Variants in POM121C observed in about 807,000 individuals in gnomAD.
The protein encoded by POM121C is nuclear envelope pore membrane protein POM 121C.
In POM121C, 20 loss-of-function variants were observed where a neutral mutation model predicts 66.4. The ratio of observed to expected loss-of-function variants is 0.30; its 90% CI spans 0.21 to 0.44. The LOEUF is 0.44. POM121C is among the 20% of genes least tolerant of loss of function. The pLI is 1.00. For missense variants in POM121C, 580 were observed against 1,225.7 expected, an observed-to-expected ratio of 0.47 and a Z score of 7.87; for synonymous variants, 286 against 528.0, an observed-to-expected ratio of 0.54 and a Z score of 6.28.
At position 75,457,872 on chromosome 7, in the gene POM121C, A is replaced by C. The variant is rs1436934458; in HGVS notation, c.-151-16225T>G. Among the ~76,000 whole-genome samples, 7 of 152,354 alleles carry C rather than the reference A, an allele frequency of 4.6e-5. No individual in the cohort carries two copies. The East Asian group carries it at 1.3e-3, about 29-fold the overall frequency. On this transcript the variant is annotated intron_variant, in intron 3 of 14. Coordinates refer to ENST00000615331, the MANE Select transcript of POM121C (RefSeq NM_001099415.3). ...TCTGTTTAATAATAACTCCAAGAAC[A>C]GTTGATATATATATTTTTTCTTTTA...
chr7:75,463,723 A>C (rs796551712), intron 3 of POM121C, among the ~76,000 whole-genome samples: 58 of 152,130 alleles, frequency 3.8e-4, no homozygotes, highest in Middle Eastern at 3.4e-3. Context: ...ACGGAGTCTT[A>C]GCTCTGTCAT....
intron 3 of POM121C, among the ~76,000 whole-genome samples, chr7:75,453,551 C>T (rs1791099860): frequency 1.3e-5 from 2 of 149,722 alleles, no homozygotes; most frequent in Non-Finnish European, 3.0e-5. Flanking sequence ...CATCGCACTC[C>T]AGCCTGGGCA....
rs587719225 is a variant in POM121C, at chr7:75,440,446, T to C, written c.227+508A>G. Among the ~76,000 whole-genome samples, 7 of 151,510 alleles carry C rather than the reference T, an allele frequency of 4.6e-5. No individual in the cohort carries two copies. The East Asian group carries it at 6.0e-4, about 13-fold the overall frequency. ...AGCTGGGCATGGTGGCGGGCGCCTG[T>C]AGTCCCAGCTACTCGGGGGGCTGAG... On this transcript the variant is annotated intron_variant, in intron 5 of 14. Coordinates refer to ENST00000615331, the MANE Select transcript of POM121C (RefSeq NM_001099415.3).
chr7:75,472,660 C>T (rs1171519492), intron 3 of POM121C, among the ~76,000 whole-genome samples: 1 of 151,986 alleles, frequency 6.6e-6, no homozygotes, highest in Non-Finnish European at 1.5e-5. Flanking sequence ...TAAAAATTAG[C>T]CAGGCATGGT....
At chr7:75,441,710 G>A (rs1285411404) in intron 3 of POM121C, 63 bp from the exon 4 acceptor site, 24 of 1,344,552 alleles carry the variant, frequency 1.8e-5, no homozygotes, top group African/African-American at 1.0e-4. Context: ...ATTTTAGACG[G>A]TTAAAAACCC....
chr7:75,466,535 G>T (rs1477398003), intron 3 of POM121C, among the ~76,000 whole-genome samples: 1 of 151,932 alleles, frequency 6.6e-6, no homozygotes, highest in Non-Finnish European at 1.5e-5. Context: ...AACCCAGGAG[G>T]TGGAGGTTGC....
intron 7 of POM121C, among the ~76,000 whole-genome samples, chr7:75,435,249 G>A (rs1554472923): frequency 6.6e-6 from 1 of 152,194 alleles, no homozygotes; most frequent in African/African-American, 2.4e-5. Context: ...GCTATGGAAT[G>A]ACGTCAACTG....
At chr7:75,466,765 AAG>A (rs1563155525) in intron 3 of POM121C, among the ~76,000 whole-genome samples, 1 of 152,104 alleles carries the variant, frequency 6.6e-6, no homozygotes, top group African/African-American at 2.4e-5. Flanking sequence ...AAAAAAAGCA[AAG>A]AGAGAGGATG....
chr7:75,456,048 A>G (rs2116462666), intron 3 of POM121C, among the ~76,000 whole-genome samples: 1 of 152,352 alleles, frequency 6.6e-6, no homozygotes, highest in African/African-American at 2.4e-5. Context: ...TAGCCTGGGC[A>G]ACATAGCAGA....
At chr7:75,466,224 AT>A (rs782429019) in intron 3 of POM121C, among the ~76,000 whole-genome samples, 1 of 151,282 alleles carries the variant, frequency 6.6e-6, no homozygotes, top group East Asian at 1.9e-4. Flanking sequence ...AAAAAAAAAA[AT>A]CTTAAGAATC....
intron 3 of POM121C, among the ~76,000 whole-genome samples, chr7:75,462,333 C>A (rs1791473746): frequency 6.6e-6 from 1 of 152,052 alleles, no homozygotes; most frequent in Non-Finnish European, 1.5e-5. Context: ...CCTGAGGCCT[C>A]CCCAGCCAAG....
intron 1 of POM121C, among the ~76,000 whole-genome samples, chr7:75,484,662 C>CAAA (rs10690558): frequency 0.015 from 707 of 48,458 alleles, 37 homozygotes; most frequent in African/African-American, 0.025. Context: ...GACACTGTCT[C>CAAA]AAAAAAAAAA....
rs587664885 is a variant in POM121C, at chr7:75,416,788, C to T, written c.*2008G>A. ...GAAATAAAATGCAGAACGTACTCTA[C>T]GATAGATCACAGTTTTTTATTCTTA... On this transcript the variant is annotated 3_prime_UTR_variant, in exon 15 of 15. Coordinates refer to ENST00000615331, the MANE Select transcript of POM121C (RefSeq NM_001099415.3). 206 of 1,529,326 alleles carry T rather than the reference C, an allele frequency of 1.3e-4. 2 individuals are homozygous for T. In the South Asian group the frequency reaches 2.2e-3, roughly 16 times the overall value. 94.7% of individuals were successfully genotyped at this position (1,529,326 alleles called of 1,614,324 possible).
chr7:75,456,425 C>T lies in POM121C; in HGVS notation c.-151-14778G>A, dbSNP rs587679027. ...CTCTCCTACATGCTTGCCACACATT[C>T]GTCTATTTCATCCTCCCAATAGTCC... On this transcript the variant is annotated intron_variant, in intron 3 of 14. Transcript: ENST00000615331. Among the ~76,000 whole-genome samples the T allele has an allele frequency of 3.5e-3, 537 of 152,306 alleles. 1 individual carries two copies. The highest frequency in any genetic ancestry group is 0.012 in the African/African-American group (505 of 41,564).
At chr7:75,453,309 G>A (rs1464354574) in intron 3 of POM121C, among the ~76,000 whole-genome samples, 1 of 150,996 alleles carries the variant, frequency 6.6e-6, no homozygotes, top group East Asian at 1.9e-4. Flanking sequence ...CAGGCCAGGC[G>A]TGGTGGTTCA....
At chr7:75,464,152 G>A (rs1584701130) in intron 3 of POM121C, among the ~76,000 whole-genome samples, 1 of 147,730 alleles carries the variant, frequency 6.8e-6, no homozygotes, top group African/African-American at 2.5e-5. Context: ...TTGTCTTTAA[G>A]GAAGCACAGA....
At chr7:75,443,399 A>G (rs587708660) in intron 3 of POM121C, among the ~76,000 whole-genome samples, 1 of 152,244 alleles carries the variant, frequency 6.6e-6, no homozygotes, top group Middle Eastern at 3.2e-3. Context: ...GCACCACCCT[A>G]TGAACTGTAT....
At chr7:75,468,561 C>T (rs1191491199) in intron 3 of POM121C, among the ~76,000 whole-genome samples, 2 of 152,112 alleles carry the variant, frequency 1.3e-5, no homozygotes, top group African/African-American at 4.8e-5. Context: ...TCAGGTGATC[C>T]ACCCACCTTG....
chr7:75,449,035 C>T (rs1481318565), intron 3 of POM121C, among the ~76,000 whole-genome samples: 1 of 151,434 alleles, frequency 6.6e-6, no homozygotes, highest in Non-Finnish European at 1.5e-5. Context: ...ATTCTCTCAC[C>T]TCAGCCTTCC....
Sources: allele counts gnomAD v4.1 joint callset (sites outside exome capture counted in the v4.1 genomes callset), GRCh38; gene constraint gnomAD v4.1.1; transcripts MANE v1.5; gene names NCBI Gene and HGNC (gene_info 2026-07-23, HGNC 2026-07-21).